GPR39: variants seen among roughly 807,000 people sequenced by gnomAD.
The protein encoded by GPR39 is zinc sensing receptor.
In GPR39, 23 loss-of-function variants were observed where a neutral mutation model predicts 18.4. The ratio of observed to expected loss-of-function variants is 1.25; its 90% confidence interval spans 0.90 to 1.77. The LOEUF is 1.77. Ranked by LOEUF, GPR39 falls within the 40% of genes most tolerant of loss-of-function variation. GPR39 has a pLI of 0.00. For synonymous variants in GPR39, 280 were observed against 257.9 expected (o/e 1.09, Z -0.82); for missense variants, 647 against 602.4 (o/e 1.07, Z -0.78).
intron 1 of GPR39, among the ~76,000 whole-genome samples, chr2:132,545,664 G>GTC (rs1362261280): frequency 6.6e-6 from 1 of 151,682 alleles, no homozygotes; most frequent in African/African-American, 2.4e-5. Context: ...GCGTGTGTGT[G>GTC]TGTGTGTGTG....
intron 1 of GPR39, among the ~76,000 whole-genome samples, chr2:132,593,032 G>A (rs4401260): frequency 1.5e-4 from 23 of 152,292 alleles, no homozygotes; most frequent in Non-Finnish European, 2.4e-4. Flanking sequence ...CACTGAAAGC[G>A]CTATACTTAA....
intron 1 of GPR39, among the ~76,000 whole-genome samples, chr2:132,494,397 C>T (rs1388467486): frequency 6.6e-6 from 1 of 152,110 alleles, no homozygotes; most frequent in Admixed American, 6.5e-5. Flanking sequence ...ATCTTTGCTG[C>T]CTTGTTCCTT....
chr2:132,535,088 C>G (rs977686436), intron 1 of GPR39, among the ~76,000 whole-genome samples: 2 of 152,058 alleles, frequency 1.3e-5, no homozygotes, highest in African/African-American at 4.8e-5. Flanking sequence ...GCCTGATTGC[C>G]CTAATGAGAA....
intron 1 of GPR39, among the ~76,000 whole-genome samples, chr2:132,601,546 A>G (rs1414845982): frequency 6.6e-6 from 1 of 152,106 alleles, no homozygotes; most frequent in Admixed American, 6.6e-5. Flanking sequence ...CACTTGTACC[A>G]CTCTTTTTCA....
chr2:132,466,394 C>A (rs985036485), intron 1 of GPR39, among the ~76,000 whole-genome samples: 2 of 152,222 alleles, frequency 1.3e-5, no homozygotes, highest in African/African-American at 2.4e-5. Context: ...AGTTTCCTTG[C>A]GATTTATCTT....
intron 1 of GPR39, among the ~76,000 whole-genome samples, chr2:132,512,355 A>C (rs956154522): frequency 6.6e-6 from 1 of 152,186 alleles, no homozygotes; most frequent in Non-Finnish European, 1.5e-5. Context: ...AGAGATACTC[A>C]CGGAGAGATG....
chr2:132,637,995 G>A (rs75907073), intron 1 of GPR39, among the ~76,000 whole-genome samples: 3,020 of 152,138 alleles, frequency 0.02, 97 homozygotes, highest in African/African-American at 0.068. Flanking sequence ...TGGGTAGGGA[G>A]CAAGAGGGAA....
Position 132,417,661 on chromosome 2 carries a change from A to G in GPR39, c.619A>G (p.Met207Val), listed in dbSNP as rs751133019. 3.7e-6 allele frequency: 6 copies of G among 1,613,974 alleles called. No individual in the cohort carries two copies. The highest frequency in any genetic ancestry group is 5.1e-6 in the Non-Finnish European group (6 of 1,179,992). The change falls in exon 1 of 2, where the codon ATG (methionine) becomes GTG (valine). Residue 207 changes from methionine to valine, a missense_variant. By Grantham distance (21) the Met-to-Val change is conservative. Around this residue, in one of 3 missense-constraint regions of GPR39, gnomAD observed 581 missense variants for 506.8 expected, o/e 1.15. Coordinates refer to ENST00000329321, the MANE Select transcript of GPR39 (RefSeq NM_001508.3). The stretch of plus-strand genomic sequence containing the variant: ...CCACGAGCAGCCCGAGACCTCCAAT[A>G]TGTCCATCTGTACCAACCTCTCCAG... ...RHHEQPETSN[M>V]SICTNLSSRW...
At chr2:132,476,250 A>G (rs1681123064) in intron 1 of GPR39, among the ~76,000 whole-genome samples, 1 of 152,186 alleles carries the variant, frequency 6.6e-6, no homozygotes, top group South Asian at 2.1e-4. Context: ...CCAAAATCTT[A>G]TACCGAGGAT....
intron 1 of GPR39, among the ~76,000 whole-genome samples, chr2:132,494,767 A>G (rs1573631221): frequency 1.3e-5 from 2 of 151,866 alleles, no homozygotes; most frequent in East Asian, 1.9e-4. Flanking sequence ...CTTATTTTCC[A>G]TTTATCTGAT....
At chr2:132,582,915 C>CTTTTTTTTTT (rs5834320) in intron 1 of GPR39, among the ~76,000 whole-genome samples, 1 of 101,638 alleles carries the variant, frequency 9.8e-6, no homozygotes, top group Non-Finnish European at 1.9e-5. Context: ...TTCTTTCTTT[C>CTTTTTTTTTT]TTTTTTTTTT....
At chr2:132,420,242 C>T (rs753523537) in intron 1 of GPR39, among the ~76,000 whole-genome samples, 2 of 152,162 alleles carry the variant, frequency 1.3e-5, no homozygotes, top group Non-Finnish European at 2.9e-5. Context: ...GTATTTAGCC[C>T]ATTTTCTCTG....
At chr2:132,559,388 C>G (rs536515754) in intron 1 of GPR39, among the ~76,000 whole-genome samples, 167 of 152,134 alleles carry the variant, frequency 1.1e-3, no homozygotes, top group African/African-American at 3.6e-3. Flanking sequence ...TTTAAACAGG[C>G]GTGACTTTCC....
intron 1 of GPR39, among the ~76,000 whole-genome samples, chr2:132,607,052 G>A (rs955703582): frequency 1.1e-4 from 17 of 152,120 alleles, no homozygotes; most frequent in African/African-American, 2.7e-4. Context: ...TCTGAGAAAC[G>A]TATTGAAAGG....
chr2:132,634,469 G>A lies in GPR39; in HGVS notation c.857-10632G>A, dbSNP rs181065691. ...GAAATCTGTGATAGGCATAAGGAGG[G>A]AGGGGAGTCAATACTGGCCATATTC... On this transcript the variant is annotated intron_variant, in intron 1 of 1. Transcript: ENST00000329321. Among the ~76,000 whole-genome samples the A allele has an allele frequency of 4.5e-3, 683 of 152,308 alleles. 7 individuals are homozygous for A. The highest frequency in any genetic ancestry group is 7.4e-3 in the Non-Finnish European group (501 of 68,026).
chr2:132,422,109 C>G (rs1226677190), intron 1 of GPR39, among the ~76,000 whole-genome samples: 1 of 152,126 alleles, frequency 6.6e-6, no homozygotes, highest in East Asian at 1.9e-4. Flanking sequence ...ATTTTTCTAA[C>G]AAAACCATCT....
At chr2:132,492,912 A>C (rs1407432450) in intron 1 of GPR39, among the ~76,000 whole-genome samples, 1 of 136,158 alleles carries the variant, frequency 7.3e-6, no homozygotes, top group Admixed American at 7.2e-5. Flanking sequence ...TATATACACC[A>C]TATACCATAT....
At position 132,513,639 on chromosome 2, in the gene GPR39, T is replaced by C. The variant is rs570982815; in HGVS notation, c.856+95741T>C. Among the ~76,000 whole-genome samples the C allele has an allele frequency of 5.3e-5, 8 of 152,350 alleles. No homozygotes were observed. The East Asian group carries it at 1.4e-3, about 26-fold the overall frequency. ...CGCTTTCTCTCTTCTCCCTGGATGG[T>C]TGGGAAACTAAGTCTTGTCAATTAA... is the stretch of plus-strand genomic sequence containing the variant. On this transcript the variant is annotated intron_variant, in intron 1 of 1. Coordinates refer to ENST00000329321, the MANE Select transcript of GPR39 (RefSeq NM_001508.3).
intron 1 of GPR39, among the ~76,000 whole-genome samples, chr2:132,628,659 A>G (rs2104867244): frequency 6.6e-6 from 1 of 152,228 alleles, no homozygotes; most frequent in Non-Finnish European, 1.5e-5. Flanking sequence ...ACCCTAGAAA[A>G]CCATTTTCTA....
Sources: gnomAD v4.1 joint callset for allele counts (sites outside exome capture counted in the v4.1 genomes callset) on GRCh38, gnomAD v4.1.1 for gene constraint, gnomAD v4.1.1 regional missense constraint, MANE v1.5 for transcripts, NCBI Gene and HGNC (gene_info 2026-07-23, HGNC 2026-07-21) for gene names.